REPS2: variants seen among roughly 807,000 people sequenced by gnomAD.
The protein encoded by REPS2 is RALBP1 associated Eps domain containing 2.
REPS2 carries 23 observed loss-of-function variants against 53.6 expected under a neutral mutation model. The observed-to-expected ratio is 0.43, with a 90% CI of 0.31 to 0.61. The LOEUF (loss-of-function observed/expected upper bound fraction) is 0.61. Among genes scored for constraint, REPS2 ranks in the 20% least tolerant of loss-of-function variants. The pLI, the probability that REPS2 is intolerant of heterozygous loss-of-function variation, is 0.11. For synonymous variants in REPS2, 238 were observed against 218.6 expected, an observed-to-expected ratio of 1.09 and a Z score of -0.78; for missense variants, 446 against 534.9, an observed-to-expected ratio of 0.83 and a Z score of 1.64.
chrX:16,949,790 C>A (rs2060485578), intron 1 of REPS2, among the ~76,000 whole-genome samples: 1 of 111,016 alleles, frequency 9.0e-6, no homozygotes, highest in Admixed American at 9.6e-5. Context: ...ACCCATATAT[C>A]CCCTGCCCCG....
intron 8 of REPS2, among the ~76,000 whole-genome samples, chrX:17,062,206 G>A (rs1395699657): frequency 8.9e-6 from 1 of 112,275 alleles, no homozygotes; most frequent in Non-Finnish European, 1.9e-5. Flanking sequence ...ATGACCTTGA[G>A]TAAGTTGCCC....
At chrX:16,980,956 C>T (rs1174549978) in intron 1 of REPS2, among the ~76,000 whole-genome samples, 1 of 112,424 alleles carries the variant, frequency 8.9e-6, no homozygotes, top group Non-Finnish European at 1.9e-5. Flanking sequence ...TTTGTGCTGG[C>T]TCATGTGTGG....
At chrX:17,023,495 G>A (rs1224682117) in intron 3 of REPS2, among the ~76,000 whole-genome samples, 1 of 111,322 alleles carries the variant, frequency 9.0e-6, no homozygotes, top group Non-Finnish European at 1.9e-5. Context: ...AAATGATTAT[G>A]TTGGAAAACT....
chrX:17,108,375 T>C (rs998617884), intron 14 of REPS2, among the ~76,000 whole-genome samples: 1 of 109,989 alleles, frequency 9.1e-6, no homozygotes, highest in Non-Finnish European at 1.9e-5. Flanking sequence ...GGTTTCACCA[T>C]GTTGGCCAGG....
intron 5 of REPS2, among the ~76,000 whole-genome samples, chrX:17,042,181 C>T (rs1363914810): frequency 8.9e-6 from 1 of 112,123 alleles, no homozygotes; most frequent in Non-Finnish European, 1.9e-5. Context: ...AAACAAAACA[C>T]TGGCAGAGCT....
chrX:16,974,720 T>TA (rs2060935216), intron 1 of REPS2, among the ~76,000 whole-genome samples: 1 of 111,380 alleles, frequency 9.0e-6, no homozygotes, highest in Non-Finnish European at 1.9e-5. Flanking sequence ...TATGCATTTT[T>TA]AAAAAAACTT....
intron 2 of REPS2, among the ~76,000 whole-genome samples, chrX:17,007,457 G>T (rs1257574833): frequency 2.7e-5 from 3 of 112,120 alleles, no homozygotes; most frequent in African/African-American, 9.7e-5. Context: ...CCAGACAGAG[G>T]TTCGTTTTCC....
At chrX:17,177,030 C>T in the REPS2 span, among the ~76,000 whole-genome samples, 8 of 111,920 alleles carry the variant, frequency 7.1e-5, no homozygotes, top group African/African-American at 2.6e-4. Flanking sequence ...CAGTGATGGA[C>T]GGTAGGGATT....
intron 11 of REPS2, among the ~76,000 whole-genome samples, chrX:17,070,492 T>G (rs1232366079): frequency 2.7e-5 from 3 of 111,940 alleles, no homozygotes; most frequent in East Asian, 2.8e-4. Flanking sequence ...GTTGTCCAGT[T>G]TTTTGGAGAG....
At chrX:17,019,721 G>A (rs930849165) in intron 2 of REPS2, among the ~76,000 whole-genome samples, 6 of 111,238 alleles carry the variant, frequency 5.4e-5, no homozygotes, top group Non-Finnish European at 1.1e-4. Flanking sequence ...CAGCTACTTG[G>A]GAGGCTGAGG....
chrX:16,969,050 G>C (rs962960298), intron 1 of REPS2, among the ~76,000 whole-genome samples: 1 of 110,129 alleles, frequency 9.1e-6, no homozygotes, highest in African/African-American at 3.3e-5. Context: ...CTTCTCAGAC[G>C]GGGCGGCTGG....
At chrX:17,103,572 C>G in intron 13 of REPS2, 146 bp from the exon 14 acceptor site, 1 of 506,533 alleles carries the variant, frequency 2.0e-6, no homozygotes, top group Non-Finnish European at 3.4e-6. Flanking sequence ...AACGTGTACT[C>G]TTTTTTCTTA....
intron 1 of REPS2, among the ~76,000 whole-genome samples, chrX:16,951,555 A>AC (rs1569083834): frequency 5.4e-4 from 13 of 24,001 alleles, no homozygotes; most frequent in Admixed American, 3.1e-3. Context: ...ACACACACAC[A>AC]CACACCCCCG....
intron 3 of REPS2, 43 bp from the exon 4 acceptor site, chrX:17,025,016 G>A: frequency 8.3e-7 from 1 of 1,211,406 alleles, no homozygotes; most frequent in Admixed American, 2.2e-5. Flanking sequence ...CAGAACGCCA[G>A]GCTTGAGTGA....
At chrX:17,171,671 C>A in the REPS2 span, among the ~76,000 whole-genome samples, 1 of 110,204 alleles carries the variant, frequency 9.1e-6, no homozygotes, top group African/African-American at 3.3e-5. Flanking sequence ...AGGTGCACAC[C>A]ACCACACCTG....
intron 1 of REPS2, among the ~76,000 whole-genome samples, chrX:17,000,829 A>C (rs777683464): frequency 1.8e-5 from 2 of 111,799 alleles, no homozygotes; most frequent in African/African-American, 6.5e-5. Context: ...CCTTTCATCA[A>C]ATCGATTGCA....
intron 2 of REPS2, among the ~76,000 whole-genome samples, chrX:17,019,023 T>C (rs1024093309): frequency 3.6e-5 from 4 of 110,468 alleles, no homozygotes; most frequent in Non-Finnish European, 7.6e-5. Flanking sequence ...TCCAGGCTGG[T>C]CTCAAACTGC....
rs369593391 is a variant in REPS2 at position 16,977,378 on chromosome X, C to T, written c.274-28843C>T. ...ACTTTCTACTCTTGTCTGAAGAATGCTTAGGCTACCTTACTGTTACTTCTC... is the reference window on the plus strand; with the variant it reads ...ACTTTCTACTCTTGTCTGAAGAATGTTTAGGCTACCTTACTGTTACTTCTC... On this transcript the variant is annotated intron_variant, in intron 1 of 17. Coordinates refer to ENST00000357277, the MANE Select transcript of REPS2 (RefSeq NM_004726.3). Among the ~76,000 whole-genome samples, 37 of 110,694 alleles carry T rather than the reference C, an allele frequency of 3.3e-4. No homozygotes were observed. The East Asian group carries it at 5.4e-3, about 16-fold the overall frequency.
At chrX:17,055,998 A>C (rs989347838) in intron 8 of REPS2, among the ~76,000 whole-genome samples, 2 of 111,077 alleles carry the variant, frequency 1.8e-5, no homozygotes, top group Non-Finnish European at 3.8e-5. Flanking sequence ...TAAAAAAATA[A>C]AAAATAAAAA....
Sources: allele counts gnomAD v4.1 joint callset (sites outside exome capture counted in the v4.1 genomes callset), GRCh38; gene constraint gnomAD v4.1.1; transcripts MANE v1.5; gene names NCBI Gene and HGNC (gene_info 2026-07-23, HGNC 2026-07-21).